Variants in ASTN2 observed in about 807,000 individuals in gnomAD.
ASTN2 encodes astrotactin-2.
Under a neutral mutation model 139.8 loss-of-function variants are expected in ASTN2, and 54 were observed. The observed-to-expected ratio is 0.39, with a 90% CI of 0.31 to 0.48. The LOEUF (loss-of-function observed/expected upper bound fraction) is 0.48. Ranked by LOEUF, ASTN2 falls within the 20% of genes least tolerant of loss-of-function variation. ASTN2 has a pLI of 0.95. For synonymous variants in ASTN2, 756 were observed against 719.5 expected (o/e 1.05, Z -0.81); for missense variants, 1,565 against 1,725.1 (o/e 0.91, Z 1.64).
In ASTN2 at chr9:116,440,827, G is replaced by A. The variant is rs756610032; in HGVS notation, c.3599-35C>T. On this transcript the variant is annotated intron_variant, in intron 21 of 22. Coordinates refer to ENST00000313400, the MANE Select transcript of ASTN2 (RefSeq NM_001365068.1). ...CAGAAGGGCAGAAACAGATCACTGG[G>A]TGGTGAAAAAAAGTAAGGATATAAG... The A allele has an allele frequency of 3.0e-5, 48 of 1,587,684 alleles. 1 individual carries two copies. In the East Asian group the frequency reaches 8.6e-4, roughly 28 times the overall value.
intron 10 of ASTN2, among the ~76,000 whole-genome samples, chr9:116,934,532 C>T (rs1835009104): frequency 6.8e-6 from 1 of 147,912 alleles, no homozygotes; most frequent in South Asian, 2.3e-4. Flanking sequence ...CCAAATACAG[C>T]ATGTTCTCAC....
In ASTN2 at chr9:117,074,947, C is replaced by T. The variant is rs142013062; in HGVS notation, c.1276+21097G>A. On this transcript the variant is annotated intron_variant, in intron 5 of 22. Transcript: ENST00000313400. ...TAAGCAGCGAAGTCATGATCTACAC[C>T]GAGGTCTGTAAATTTCCAGAGGCAA... 4.9e-3 allele frequency among the ~76,000 whole-genome samples: 751 copies of T among 152,144 alleles called. 5 individuals carry two copies. The highest frequency in any genetic ancestry group is 0.017 in the African/African-American group (703 of 41,488).
At chr9:116,585,141 C>G (rs1043888056) in intron 19 of ASTN2, 1 of 152,132 alleles carries the variant, frequency 6.6e-6, no homozygotes, top group African/African-American at 2.4e-5. Flanking sequence ...TAAAAATTAT[C>G]TGGTTCAGGA....
intron 2 of ASTN2, among the ~76,000 whole-genome samples, chr9:117,240,515 G>A (rs1454671911): frequency 6.6e-6 from 1 of 152,132 alleles, no homozygotes; most frequent in African/African-American, 2.4e-5. Context: ...AGTAAGAAAG[G>A]GGACAGGAGA....
chr9:116,440,600 C>A lies in ASTN2; in HGVS notation c.3782+9G>T, dbSNP rs74790727. The A allele has an allele frequency of 0.14, 232,983 of 1,611,472 alleles. 18,231 individuals are homozygous for A. Among genetic ancestry groups the A allele is most frequent in the Middle Eastern group, 0.17 (825 of 4,850 alleles). On this transcript the variant is annotated intron_variant, in intron 22 of 22. Transcript: ENST00000313400. ...ATATGCCCCTCCAATCACACAAATA[C>A]GCCCATACCTGGGCCCCAGCTCATC... is the stretch of plus-strand genomic sequence containing the variant.
At chr9:116,951,408 T>TCA (rs1186545112) in intron 10 of ASTN2, among the ~76,000 whole-genome samples, 3 of 139,816 alleles carry the variant, frequency 2.1e-5, no homozygotes, top group African/African-American at 5.2e-5. Flanking sequence ...AGCCCATCTC[T>TCA]CACACAGCAT....
intron 19 of ASTN2, among the ~76,000 whole-genome samples, chr9:116,577,940 G>C (rs554561452): frequency 6.6e-6 from 1 of 152,250 alleles, no homozygotes; most frequent in Non-Finnish European, 1.5e-5. Context: ...CAGAGCCAGG[G>C]GATGGGAGAG....
chr9:116,622,770 A>C (rs1297074323), intron 17 of ASTN2, among the ~76,000 whole-genome samples: 1 of 152,254 alleles, frequency 6.6e-6, no homozygotes, highest in African/African-American at 2.4e-5. Flanking sequence ...ATATTTCATA[A>C]ACTATTTGCA....
chr9:116,844,345 G>A (rs1832359969), intron 11 of ASTN2, among the ~76,000 whole-genome samples: 3 of 152,156 alleles, frequency 2.0e-5, no homozygotes, highest in Admixed American at 6.5e-5. Context: ...GTTTCCCTAC[G>A]AGTCCACAGC....
chr9:116,606,252 G>A (rs575341988), intron 19 of ASTN2, among the ~76,000 whole-genome samples: 3 of 152,150 alleles, frequency 2.0e-5, no homozygotes, highest in East Asian at 1.9e-4. Context: ...ACAGCGTCCC[G>A]GAACTGACCG....
intron 2 of ASTN2, among the ~76,000 whole-genome samples, chr9:117,282,614 G>GTTTTCAGCTCCAAGATCCC (rs1564124639): frequency 6.7e-6 from 1 of 149,860 alleles, no homozygotes; most frequent in African/African-American, 2.6e-5. Flanking sequence ...TTGGCCATGT[G>GTTTTCAGCTCCAAGATCCC]ATGTGCTTTG....
At chr9:116,839,407 G>A (rs1388314012) in intron 11 of ASTN2, among the ~76,000 whole-genome samples, 1 of 151,962 alleles carries the variant, frequency 6.6e-6, no homozygotes, top group Non-Finnish European at 1.5e-5. Context: ...ATATGATTCA[G>A]TTATTTTAAA....
chr9:117,184,580 CT>C (rs1831151873), intron 3 of ASTN2, among the ~76,000 whole-genome samples: 1 of 152,164 alleles, frequency 6.6e-6, no homozygotes, highest in South Asian at 2.1e-4. Context: ...CCCTTTATCT[CT>C]TTTGCATCAT....
intron 19 of ASTN2, among the ~76,000 whole-genome samples, chr9:116,559,003 G>A (rs1852773745): frequency 6.6e-6 from 1 of 152,172 alleles, no homozygotes; most frequent in Admixed American, 6.5e-5. Context: ...AGCAAAACAT[G>A]CAACAGATTG....
chr9:117,011,633 G>T (rs184813747), intron 6 of ASTN2, among the ~76,000 whole-genome samples: 213 of 152,336 alleles, frequency 1.4e-3, no homozygotes, highest in Non-Finnish European at 2.7e-3. Context: ...TTTAATGGCA[G>T]AAGGGAGTTA....
intron 6 of ASTN2, among the ~76,000 whole-genome samples, chr9:117,013,865 C>T (rs1367688327): frequency 6.6e-6 from 1 of 152,102 alleles, no homozygotes; most frequent in Non-Finnish European, 1.5e-5. Context: ...CCTTTCATTA[C>T]ACCTCACATC....
At chr9:116,811,310 C>A (rs539938230) in intron 12 of ASTN2, among the ~76,000 whole-genome samples, 35 of 152,248 alleles carry the variant, frequency 2.3e-4, no homozygotes, top group African/African-American at 7.9e-4. Context: ...TTGCCCACAC[C>A]CCATAAGTCT....
In ASTN2 at chr9:116,905,515, C is replaced by T. The variant is rs190141604; in HGVS notation, c.1890-41782G>A. Among the ~76,000 whole-genome samples the T allele has an allele frequency of 1.1e-4, 17 of 152,248 alleles. No individual in the cohort carries two copies. In the East Asian group the frequency reaches 2.1e-3, roughly 19 times the overall value. On this transcript the variant is annotated intron_variant, in intron 10 of 22. Coordinates refer to ENST00000313400, the MANE Select transcript of ASTN2 (RefSeq NM_001365068.1). ...TGGACACAGGCAGGAAAGACCAGGT[C>T]GGTCTCCTTCATGTGCCTTACACTC...
chr9:116,772,495 A>G (rs1004612338), intron 13 of ASTN2, among the ~76,000 whole-genome samples: 13 of 152,196 alleles, frequency 8.5e-5, no homozygotes, highest in Non-Finnish European at 1.9e-4. Flanking sequence ...TCAAGTATGT[A>G]TTTAATAGCA....
Sources: allele counts gnomAD v4.1 joint callset (sites outside exome capture counted in the v4.1 genomes callset), GRCh38; gene constraint gnomAD v4.1.1; transcripts MANE v1.5; gene names NCBI Gene and HGNC (gene_info 2026-07-23, HGNC 2026-07-21).